Variants in NTN1 observed in about 807,000 individuals in gnomAD.
The protein encoded by NTN1 is netrin 1.
In NTN1, 11 loss-of-function variants were observed where a neutral mutation model predicts 54.2. The observed-to-expected ratio is 0.20, with a 90% CI of 0.13 to 0.34. The LOEUF (loss-of-function observed/expected upper bound fraction) is 0.34, where lower values mean the gene tolerates loss of function less well. Among genes scored for constraint, NTN1 ranks in the 10% least tolerant of loss-of-function variants. The pLI, the probability that NTN1 is intolerant of heterozygous loss-of-function variation, is 1.00. For missense variants in NTN1, 740 were observed against 893.1 expected (o/e 0.83, Z 2.18); for synonymous variants, 371 against 382.0 (o/e 0.97, Z 0.33).
intron 2 of NTN1, among the ~76,000 whole-genome samples, chr17:9,039,184 A>G (rs1000823397): frequency 6.6e-6 from 1 of 152,118 alleles, no homozygotes; most frequent in Non-Finnish European, 1.5e-5. Context: ...CTCATTATTC[A>G]TCTGTTCATT....
rs1906187838 is a variant in NTN1 at position 9,240,797 on chromosome 17, AC to A, written c.*833del. ...TCCGGAAGGCAGTGGGCCCAGGGAC[AC>A]CCCTGAGAAGCCCAAGCCGGGTGGT... On this transcript the variant is annotated 3_prime_UTR_variant, in exon 7 of 7. Coordinates refer to ENST00000173229, the MANE Select transcript of NTN1 (RefSeq NM_004822.3). 1 of 152,212 alleles carries A rather than the reference AC, an allele frequency of 6.6e-6. No homozygotes were observed. The highest frequency in any genetic ancestry group is 1.5e-5 in the Non-Finnish European group (1 of 68,098). 9.4% of individuals were successfully genotyped at this position (152,212 alleles called of 1,614,324 possible).
chr17:9,223,415 C>T (rs146448838), intron 6 of NTN1, among the ~76,000 whole-genome samples: 16,851 of 152,042 alleles, frequency 0.11, 1,321 homozygotes, highest in African/African-American at 0.22. Flanking sequence ...AGCTGGGCGT[C>T]GTGGCGCACA....
chr17:9,008,083 A>C, the NTN1 span, among the ~76,000 whole-genome samples: 1 of 152,000 alleles, frequency 6.6e-6, no homozygotes, highest in Non-Finnish European at 1.5e-5. Flanking sequence ...CCTGAGCTGA[A>C]GTGGATACTT....
chr17:9,060,747 G>C (rs1345295843), intron 2 of NTN1, among the ~76,000 whole-genome samples: 1 of 152,160 alleles, frequency 6.6e-6, no homozygotes, highest in African/African-American at 2.4e-5. Context: ...GGAGGCCAAG[G>C]CAGGCAGATC....
intron 2 of NTN1, among the ~76,000 whole-genome samples, chr17:9,073,501 G>GTTTGT (rs1397651090): frequency 6.6e-6 from 1 of 152,192 alleles, no homozygotes; most frequent in East Asian, 1.9e-4. Context: ...CTGGAGGGAT[G>GTTTGT]TTTGTTTGTG....
intron 2 of NTN1, among the ~76,000 whole-genome samples, chr17:9,149,338 A>G (rs1183255306): frequency 6.6e-6 from 1 of 150,744 alleles, no homozygotes; most frequent in African/African-American, 2.4e-5. Context: ...GTCACAGAGC[A>G]AAGAGAATTT....
chr17:9,158,930 C>A (rs2092350586), intron 2 of NTN1, among the ~76,000 whole-genome samples: 1 of 152,164 alleles, frequency 6.6e-6, no homozygotes, highest in African/African-American at 2.4e-5. Flanking sequence ...CTCCTGCATC[C>A]CACACTGCTT....
chr17:9,140,496 A>G (rs1014901068), intron 2 of NTN1, among the ~76,000 whole-genome samples: 7 of 152,240 alleles, frequency 4.6e-5, no homozygotes, highest in African/African-American at 1.7e-4. Flanking sequence ...GGAGGTGAAC[A>G]AGCACCAGAG....
intron 2 of NTN1, among the ~76,000 whole-genome samples, chr17:9,107,220 CTGTT>C (rs1166122167): frequency 2.0e-5 from 3 of 152,316 alleles, no homozygotes; most frequent in South Asian, 2.1e-4. Flanking sequence ...ATATGTGAAA[CTGTT>C]TGGAGACATT....
At position 9,165,716 on chromosome 17, in the gene NTN1, G is replaced by A. The variant is rs567291351; in HGVS notation, c.1207+2715G>A. Reference sequence around the variant, plus strand: ...TCAAGGAAACTGCCATCAGATTGGTGAAGAAAGACAGTGCTTCAAGGAACT... The same window carrying A: ...TCAAGGAAACTGCCATCAGATTGGTAAAGAAAGACAGTGCTTCAAGGAACT... On this transcript the variant is annotated intron_variant, in intron 3 of 6. Transcript: ENST00000173229. The surrounding 1 kb of genome is among the most constrained non-coding windows in gnomAD (Gnocchi z 4.5). Among the ~76,000 whole-genome samples, 1 of 152,346 alleles carries A rather than the reference G, an allele frequency of 6.6e-6. No individual in the cohort carries two copies. Among genetic ancestry groups the A allele is most frequent in the East Asian group, 1.9e-4 (1 of 5,188 alleles).
intron 2 of NTN1, among the ~76,000 whole-genome samples, chr17:9,118,377 G>A (rs1171707766): frequency 2.0e-5 from 3 of 152,134 alleles, no homozygotes; most frequent in African/African-American, 4.8e-5. Flanking sequence ...AATTAACCGG[G>A]CGTGGTGGTG....
rs1684526966 is a variant in NTN1 at position 9,021,582 on chromosome 17, C to T, written c.-67C>T. The T allele has an allele frequency of 6.6e-6, 1 of 151,456 alleles. No homozygotes were observed. The highest frequency in any genetic ancestry group is 1.8e-4 in the South Asian group (1 of 5,604). 9.4% of individuals were successfully genotyped at this position (151,456 alleles called of 1,614,324 possible). A position where few individuals can be genotyped will look rare whatever the true frequency, so the allele number is the denominator to read the frequency against. On this transcript the variant is annotated 5_prime_UTR_variant, in exon 1 of 7. Transcript: ENST00000173229. ...CGCGTGTGTGTGAGTGCGCGCCGGC[C>T]AGCGTGAGTGTGTGTGCGCCCCGGG...
intron 5 of NTN1, among the ~76,000 whole-genome samples, chr17:9,190,698 A>C (rs182141524): frequency 6.6e-6 from 1 of 152,204 alleles, no homozygotes; most frequent in African/African-American, 2.4e-5. Context: ...CTAAAAATAC[A>C]AAAATGAGCT....
Position 9,182,948 on chromosome 17 carries a change from A to G in NTN1, c.1390A>G (p.Ser464Gly), listed in dbSNP as rs1344989253. 2.5e-6 allele frequency: 4 copies of G among 1,613,714 alleles called. No individual in the cohort carries two copies. The highest frequency in any genetic ancestry group is 1.7e-5 in the Admixed American group (1 of 59,950). Residue 464 changes from serine to glycine, a missense_variant, in exon 5 of 7, where the codon AGC becomes GGC. Transcript: ENST00000173229. ...IPVAPPTTAA[S>G]SVEEPEDCDS... ...TGTAGCGCCGCCGACGACTGCAGCC[A>G]GCAGCGTGGAGGAGCCTGAAGGTAA...
chr17:9,055,110 A>G (rs542949953), intron 2 of NTN1, among the ~76,000 whole-genome samples: 30 of 152,240 alleles, frequency 2.0e-4, no homozygotes, highest in African/African-American at 6.7e-4. Flanking sequence ...AAGGGCAACA[A>G]TGTTGATCTG....
At chr17:9,208,343 T>G (rs1276260390) in intron 5 of NTN1, among the ~76,000 whole-genome samples, 1 of 152,112 alleles carries the variant, frequency 6.6e-6, no homozygotes, top group Non-Finnish European at 1.5e-5. Flanking sequence ...GAGCCTGTGT[T>G]TGTGGGTTCG....
intron 2 of NTN1, among the ~76,000 whole-genome samples, chr17:9,074,798 C>T (rs1328582663): frequency 6.6e-6 from 1 of 152,212 alleles, no homozygotes; most frequent in Non-Finnish European, 1.5e-5. Context: ...TATGCAGGTC[C>T]AGGGGCTGAG....
chr17:9,097,021 C>G (rs1282777637), intron 2 of NTN1, among the ~76,000 whole-genome samples: 3 of 152,202 alleles, frequency 2.0e-5, no homozygotes, highest in African/African-American at 7.2e-5. Context: ...CACTCATGCT[C>G]TCTCTTTTGC....
intron 2 of NTN1, among the ~76,000 whole-genome samples, chr17:9,059,576 G>A (rs1345178601): frequency 6.6e-6 from 1 of 152,140 alleles, no homozygotes; most frequent in African/African-American, 2.4e-5. Context: ...ACACAAAAGG[G>A]CACATATGAT....
Sources: gnomAD v4.1 joint callset for allele counts (sites outside exome capture counted in the v4.1 genomes callset) on GRCh38, gnomAD v4.1.1 for gene constraint, Gnocchi (gnomAD v3.1) non-coding constraint, MANE v1.5 for transcripts, NCBI Gene and HGNC (gene_info 2026-07-23, HGNC 2026-07-21) for gene names.